NAV2: variants seen among roughly 807,000 people sequenced by gnomAD.
The protein encoded by NAV2 is helicase, APC down-regulated 1.
A neutral mutation model predicts 223.2 loss-of-function variants in NAV2; 54 were observed. The ratio of observed to expected loss-of-function variants is 0.24; its 90% CI spans 0.19 to 0.30. NAV2 has a LOEUF of 0.30. Among genes scored for constraint, NAV2 ranks in the 10% least tolerant of loss-of-function variants. The probability of loss-of-function intolerance (pLI) is 1.00; values close to 1 mark genes in which losing one functional copy is unlikely to be tolerated. For missense variants in NAV2, 2,806 were observed against 3,147.5 expected (o/e 0.89, Z 2.60); for synonymous variants, 1,279 against 1,239.3 (o/e 1.03, Z -0.67).
At chr11:19,491,289 A>G (rs1007440342) in intron 1 of NAV2, among the ~76,000 whole-genome samples, 8 of 152,328 alleles carry the variant, frequency 5.3e-5, no homozygotes, top group South Asian at 4.1e-4. Flanking sequence ...TCTCCTCTCT[A>G]GCTATGAAAG....
intron 1 of NAV2, among the ~76,000 whole-genome samples, chr11:19,759,741 A>G (rs1425442495): frequency 6.6e-6 from 1 of 151,748 alleles, no homozygotes; most frequent in African/African-American, 2.4e-5. Context: ...AATGATATCC[A>G]CCTCATGGGG....
chr11:20,115,078 C>A (rs1018706162), intron 37 of NAV2, among the ~76,000 whole-genome samples: 5 of 152,138 alleles, frequency 3.3e-5, no homozygotes, highest in African/African-American at 1.2e-4. Context: ...CAACACTTTG[C>A]CCTCTGATTT....
At chr11:19,654,569 G>A (rs553883930) in intron 1 of NAV2, among the ~76,000 whole-genome samples, 1 of 152,222 alleles carries the variant, frequency 6.6e-6, no homozygotes, top group East Asian at 1.9e-4. Context: ...ACAGAACAGA[G>A]CCCTCAAAAA....
At chr11:19,621,691 CT>C (rs1382120789) in intron 1 of NAV2, among the ~76,000 whole-genome samples, 21 of 152,132 alleles carry the variant, frequency 1.4e-4, no homozygotes, top group African/African-American at 4.8e-4. Flanking sequence ...TTTTGTTGAT[CT>C]TTTCAAAAAA....
intron 30 of NAV2, among the ~76,000 whole-genome samples, 166 bp downstream of exon 30, chr11:20,095,933 A>G (rs2061233285): frequency 6.6e-6 from 1 of 152,184 alleles, no homozygotes; most frequent in Non-Finnish European, 1.5e-5. Flanking sequence ...AAGGGAATGG[A>G]AGGACAATGG....
chr11:20,050,706 C>T (rs2057914539), intron 16 of NAV2, among the ~76,000 whole-genome samples: 1 of 152,106 alleles, frequency 6.6e-6, no homozygotes, highest in Admixed American at 6.5e-5. Flanking sequence ...CAAGTTGTAA[C>T]ATGCCCCACC....
chr11:19,947,147 A>T (rs1591372966), intron 9 of NAV2, among the ~76,000 whole-genome samples: 1 of 152,174 alleles, frequency 6.6e-6, no homozygotes, highest in Non-Finnish European at 1.5e-5. Context: ...GCTCCCAGGG[A>T]GTCTCCTTTG....
intron 1 of NAV2, among the ~76,000 whole-genome samples, chr11:19,823,539 C>T (rs1214661654): frequency 6.6e-6 from 1 of 152,064 alleles, no homozygotes; most frequent in Non-Finnish European, 1.5e-5. Flanking sequence ...CAGGGTTTCA[C>T]CATGTTGCCT....
intron 11 of NAV2, among the ~76,000 whole-genome samples, chr11:20,019,617 A>T (rs759288373): frequency 6.6e-6 from 1 of 152,032 alleles, no homozygotes; most frequent in Non-Finnish European, 1.5e-5. Context: ...TTATAGTTAG[A>T]GAAGAGGAGG....
chr11:19,882,234 G>T (rs966414736), intron 5 of NAV2, among the ~76,000 whole-genome samples: 1 of 152,194 alleles, frequency 6.6e-6, no homozygotes, highest in African/African-American at 2.4e-5. Flanking sequence ...CTACAGATGA[G>T]TTGGGCCAAG....
chr11:19,899,057 C>G (rs1315648320), intron 6 of NAV2, among the ~76,000 whole-genome samples: 3 of 152,178 alleles, frequency 2.0e-5, no homozygotes, highest in African/African-American at 7.2e-5. Flanking sequence ...CATCACTAAA[C>G]CACCGTGAGG....
intron 20 of NAV2, among the ~76,000 whole-genome samples, chr11:20,066,536 A>G (rs1022859900): frequency 2.0e-5 from 3 of 152,182 alleles, no homozygotes; most frequent in Non-Finnish European, 2.9e-5. Context: ...GGTTGCTGCT[A>G]GTAGGAGCCA....
Position 20,045,317 on chromosome 11 carries a change from C to G in NAV2, c.3549C>G (p.Ser1183Arg). The change falls in exon 14 of 38, where the codon AGC becomes AGG. Residue 1183 changes from serine (S) to arginine (R), a missense_variant. By Grantham distance (110) the Ser-to-Arg change is moderately radical. Around this residue, in one of 4 missense-constraint regions of NAV2, gnomAD observed 742 missense variants for 777.9 expected, o/e 0.95. Coordinates refer to ENST00000349880, the MANE Select transcript of NAV2 (RefSeq NM_145117.5). ...QNQDDGYLAL[S>R]SRTNLQYRSL... ...AGGATGACGGGTATCTAGCCCTAAG[C>G]TCCCGGACAAACCTTCAGTACCGGA... 1 of 1,614,176 alleles carries G rather than the reference C, an allele frequency of 6.2e-7. No homozygotes were observed. The highest frequency in any genetic ancestry group is 8.5e-7 in the Non-Finnish European group (1 of 1,180,034).
chr11:19,398,317 G>A (rs896222376), intron 1 of NAV2, among the ~76,000 whole-genome samples: 1 of 152,108 alleles, frequency 6.6e-6, no homozygotes, highest in African/African-American at 2.4e-5. Context: ...TGCTAGGAGA[G>A]CAATGAGAGG....
At chr11:19,805,826 T>A (rs1006505870) in intron 1 of NAV2, among the ~76,000 whole-genome samples, 1 of 152,208 alleles carries the variant, frequency 6.6e-6, no homozygotes, top group African/African-American at 2.4e-5. Flanking sequence ...CATCTCCATT[T>A]CACAGAAGAG....
rs114437562 is a variant in NAV2 at position 19,713,137 on chromosome 11, G to C, written c.-559G>C. ...TGCGGTGCTCGCGAGCAGGGTGGCAGCTGCCTCTCGGTGGAGACGTCTTGG... is the reference window on the plus strand; with the variant it reads ...TGCGGTGCTCGCGAGCAGGGTGGCACCTGCCTCTCGGTGGAGACGTCTTGG... On this transcript the variant is annotated 5_prime_UTR_variant, in exon 1 of 38. Coordinates refer to ENST00000349880, the MANE Select transcript of NAV2 (RefSeq NM_145117.5). The surrounding 1 kb of genome is among the most constrained non-coding windows in gnomAD (Gnocchi z 7.2). Among the ~76,000 whole-genome samples the C allele has an allele frequency of 3.1e-3, 473 of 152,198 alleles. 3 individuals carry two copies. Among genetic ancestry groups the C allele is most frequent in the African/African-American group, 0.011 (452 of 41,528 alleles).
chr11:19,479,328 C>A (rs774644457), intron 1 of NAV2, among the ~76,000 whole-genome samples: 7 of 152,218 alleles, frequency 4.6e-5, no homozygotes, highest in South Asian at 2.1e-4. Context: ...CAAAAGGGAC[C>A]TTTTCGGAGA....
At chr11:19,658,468 G>T (rs971554982) in intron 1 of NAV2, among the ~76,000 whole-genome samples, 7 of 152,070 alleles carry the variant, frequency 4.6e-5, no homozygotes, top group African/African-American at 1.7e-4. Flanking sequence ...ATGCTGACGG[G>T]GTCTTTGCAT....
At chr11:19,870,501 T>C (rs1034918763) in intron 4 of NAV2, among the ~76,000 whole-genome samples, 2 of 152,114 alleles carry the variant, frequency 1.3e-5, no homozygotes, top group African/African-American at 2.4e-5. Flanking sequence ...TCTGCAGGCC[T>C]GCTTCATCCT....
Sources: gnomAD v4.1 joint callset for allele counts (sites outside exome capture counted in the v4.1 genomes callset) on GRCh38, gnomAD v4.1.1 for gene constraint, gnomAD v4.1.1 regional missense constraint, Gnocchi (gnomAD v3.1) non-coding constraint, MANE v1.5 for transcripts, NCBI Gene and HGNC (gene_info 2026-07-23, HGNC 2026-07-21) for gene names.